The following SMARCA2 variants were observed in gnomAD, a reference collection of about 807,000 sequenced individuals.
SMARCA2 encodes SWI/SNF related BAF chromatin remodeling complex subunit ATPase 2, also known as SWI/SNF-related matrix-associated actin-dependent regulator of chromatin subfamily A member 2.
A neutral mutation model predicts 199.8 loss-of-function variants in SMARCA2; 61 were observed. The observed-to-expected ratio is 0.31, with a 90% CI of 0.25 to 0.38. The LOEUF is 0.38. Ranked by LOEUF, SMARCA2 falls within the 10% of genes least tolerant of loss-of-function variation. The pLI is 1.00. For missense variants in SMARCA2, 1,344 were observed against 2,012.2 expected (o/e 0.67, Z 6.35); for synonymous variants, 935 against 732.0 (o/e 1.28, Z -4.48).
At chr9:2,096,521 C>T (rs1822280578) in intron 19 of SMARCA2, 136 bp from the exon 20 acceptor site, 2 of 626,296 alleles carry the variant, frequency 3.2e-6, no homozygotes, top group Admixed American at 5.1e-5. Context: ...CCCATCTCAC[C>T]CCGCACTCCG....
intron 1 of SMARCA2, among the ~76,000 whole-genome samples, chr9:2,023,156 C>A (rs563893754): frequency 1.3e-5 from 2 of 152,154 alleles, no homozygotes; most frequent in Non-Finnish European, 2.9e-5. Flanking sequence ...ATGTTAAGAG[C>A]CAGGATCCTA....
chr9:2,052,142 A>G (rs1820146594), intron 5 of SMARCA2, among the ~76,000 whole-genome samples: 1 of 152,218 alleles, frequency 6.6e-6, no homozygotes, highest in Admixed American at 6.5e-5. Flanking sequence ...GAATGATTAA[A>G]CCACTTAAAA....
intron 27 of SMARCA2, chr9:2,160,511 G>A: frequency 1.6e-6 from 1 of 643,578 alleles, no homozygotes; most frequent in South Asian, 1.8e-5. Context: ...AGGAAGCGTT[G>A]TACATAAGTG....
chr9:2,181,443 T>C (rs1250369595), intron 29 of SMARCA2, 128 bp from the exon 30 acceptor site: 1 of 624,778 alleles, frequency 1.6e-6, no homozygotes, highest in African/African-American at 1.9e-5. Flanking sequence ...TTTTCCTGAC[T>C]TAAAAAGCTC....
In SMARCA2 at chr9:2,058,386, A is replaced by C. The variant is rs768076156; in HGVS notation, c.1443A>C (p.Ala481=). The C allele has an allele frequency of 1.2e-6, 2 of 1,614,190 alleles. No individual in the cohort carries two copies. The highest frequency in any genetic ancestry group is 8.5e-7 in the Non-Finnish European group (1 of 1,179,988). Residue 481 remains alanine, a synonymous_variant, in exon 8 of 34, where the codon GCA becomes GCC. Coordinates refer to ENST00000349721, the MANE Select transcript of SMARCA2 (RefSeq NM_003070.5). ...TCCAGAAGCTCTCCAAAGCAGTGGC[A>C]ACTTGGCATGCCAACACTGAAAGAG... ...GKIQKLSKAV[A]TWHANTEREQ...
chr9:2,176,182 G>GTTTTTTTT lies in SMARCA2; in HGVS notation c.4254-5375_4254-5368dup, dbSNP rs56186732. 1.6e-3 allele frequency among the ~76,000 whole-genome samples: 163 copies of GTTTTTTTT among 104,112 alleles called. 3 individuals are homozygous for GTTTTTTTT. The highest frequency in any genetic ancestry group is 2.0e-3 in the Admixed American group (21 of 10,726). 68.3% of individuals were successfully genotyped at this position (104,112 alleles called of 152,430 possible). ...AGGCATGAGCCACCGCGCCCGGCCTGTTTTTTTTTTTTTTTTTTTTTATAA... is the reference window on the plus strand; with the variant it reads ...AGGCATGAGCCACCGCGCCCGGCCTGTTTTTTTTTTTTTTTTTTTTTTTTTTTTTATAA... On this transcript the variant is annotated intron_variant, in intron 29 of 33. Transcript: ENST00000349721.
Position 2,169,085 on chromosome 9 carries a change from C to G in SMARCA2, c.4200-1334C>G, listed in dbSNP as rs181070817. Among the ~76,000 whole-genome samples the G allele has an allele frequency of 1.3e-5, 2 of 152,302 alleles. No homozygotes were observed. Among genetic ancestry groups the G allele is most frequent in the East Asian group, 1.9e-4 (1 of 5,178 alleles). On this transcript the variant is annotated intron_variant, in intron 28 of 33. Transcript: ENST00000349721. This position sits in a 1 kb window ranked among gnomAD's most constrained non-coding sequence, Gnocchi z 6.5. ...GGTCCTAAAAGTGAAATAATGAAGACTTTCCCAATTCTGTGCCTTATTGCT... is the reference window on the plus strand; with the variant it reads ...GGTCCTAAAAGTGAAATAATGAAGAGTTTCCCAATTCTGTGCCTTATTGCT...
chr9:2,067,033 A>G (rs781579963), intron 9 of SMARCA2, among the ~76,000 whole-genome samples: 21 of 152,234 alleles, frequency 1.4e-4, no homozygotes, highest in Admixed American at 2.6e-4. Flanking sequence ...GAAGGAATCC[A>G]AAGAATGATG....
chr9:2,038,669 C>T (rs534932061), intron 3 of SMARCA2, among the ~76,000 whole-genome samples: 16 of 152,228 alleles, frequency 1.1e-4, no homozygotes, highest in Non-Finnish European at 2.1e-4. Context: ...AAAATACCCC[C>T]CCTTTACTGG....
At chr9:2,158,516 G>T (rs937687326) in intron 27 of SMARCA2, 2 of 156,976 alleles carry the variant, frequency 1.3e-5, no homozygotes, top group East Asian at 1.9e-4. Context: ...ATTAGGGCTC[G>T]CACTCTTGCG....
chr9:2,063,752 T>A (rs1820703397), intron 9 of SMARCA2, among the ~76,000 whole-genome samples: 1 of 151,714 alleles, frequency 6.6e-6, no homozygotes, highest in South Asian at 2.1e-4. Flanking sequence ...TTTTTTTTTT[T>A]AATTCCCTAG....
At chr9:2,120,203 T>C (rs1423650563) in intron 26 of SMARCA2, among the ~76,000 whole-genome samples, 1 of 152,232 alleles carries the variant, frequency 6.6e-6, no homozygotes, top group East Asian at 1.9e-4. Flanking sequence ...CATCAAAGAC[T>C]GATTACAGAG....
chr9:2,089,107 A>C (rs1246311132), intron 19 of SMARCA2, among the ~76,000 whole-genome samples: 1 of 152,176 alleles, frequency 6.6e-6, no homozygotes, highest in East Asian at 1.9e-4. Flanking sequence ...AATTACAGAC[A>C]CATCATCTAA....
In SMARCA2 at chr9:2,181,334, C is replaced by T. The variant is rs537043263; in HGVS notation, c.4254-237C>T. 1.3e-5 allele frequency: 5 copies of T among 382,068 alleles called. No homozygotes were observed. In the East Asian group the frequency reaches 3.0e-4, roughly 23 times the overall value. 23.7% of individuals were successfully genotyped at this position (382,068 alleles called of 1,614,324 possible). A position where few individuals can be genotyped will look rare whatever the true frequency, so the allele number is the denominator to read the frequency against. ...TGAAAGGGAAATCCACAGTGTATTT[C>T]CCATATTGTATGTGTGACAGAAGTG... On this transcript the variant is annotated intron_variant, in intron 29 of 33. Transcript: ENST00000349721.
rs547998868 is a variant in SMARCA2, at chr9:2,181,574, A to G, written c.4257A>G (p.Ser1419=). ...GTTTGTTTCACCCATCCTACAGTTCAGGGCGACAGCTCAGTGAAGTCTTCA... is the reference window on the plus strand; with the variant it reads ...GTTTGTTTCACCCATCCTACAGTTCGGGGCGACAGCTCAGTGAAGTCTTCA... ...NSQLEIEGNS[S]GRQLSEVFIQ... is the part of the protein sequence containing the mutation. Residue 1419 remains serine, a synonymous_variant, in exon 30 of 34, where the codon TCA becomes TCG. Coordinates refer to ENST00000349721, the MANE Select transcript of SMARCA2 (RefSeq NM_003070.5). 2.6e-6 allele frequency: 4 copies of G among 1,555,432 alleles called. No individual in the cohort carries two copies. Among genetic ancestry groups the G allele is most frequent in the East Asian group, 2.2e-5 (1 of 44,564 alleles).
intron 27 of SMARCA2, chr9:2,160,065 C>A: frequency 1.1e-6 from 1 of 909,026 alleles, no homozygotes; most frequent in Non-Finnish European, 1.6e-6. Context: ...GACAGCCTTG[C>A]ATGCTGTATT....
chr9:2,109,734 C>G (rs1314955995), intron 23 of SMARCA2, among the ~76,000 whole-genome samples: 2 of 152,102 alleles, frequency 1.3e-5, no homozygotes, highest in South Asian at 2.1e-4. Flanking sequence ...TTTTTACCAA[C>G]CAGACCATAC....
At chr9:2,060,782 T>G in intron 8 of SMARCA2, 34 bp from the exon 9 acceptor site, 1 of 1,605,912 alleles carries the variant, frequency 6.2e-7, no homozygotes, top group Non-Finnish European at 8.5e-7. Context: ...CACGCTTATA[T>G]TATGCTCTCA....
At position 2,056,602 on chromosome 9, in the gene SMARCA2, G is replaced by A. The variant is rs1184904950; in HGVS notation, c.1174-70G>A. On this transcript the variant is annotated intron_variant, in intron 6 of 33. Transcript: ENST00000349721. The surrounding 1 kb of genome is among the most constrained non-coding windows in gnomAD (Gnocchi z 4.0). ...CCACTCTATTCCATTAAATGCAACC[G>A]CGAGAAGGCCAGAGTTCAGGAACCT... The A allele has an allele frequency of 6.3e-6, 9 of 1,422,398 alleles. No individual in the cohort carries two copies. Among genetic ancestry groups the A allele is most frequent in the African/African-American group, 1.4e-5 (1 of 69,628 alleles). The allele number at this position is 1,422,398 out of a possible 1,614,324, so 88.1% of individuals were successfully genotyped here. A position where few individuals can be genotyped will look rare whatever the true frequency, so the allele number is the denominator to read the frequency against.
Sources: allele counts gnomAD v4.1 joint callset (sites outside exome capture counted in the v4.1 genomes callset), GRCh38; gene constraint gnomAD v4.1.1; non-coding constraint Gnocchi (gnomAD v3.1); transcripts MANE v1.5; gene names NCBI Gene and HGNC (gene_info 2026-07-23, HGNC 2026-07-21).